Variants in PTPN14 observed in about 807,000 individuals in gnomAD.
PTPN14 encodes protein tyrosine phosphatase non-receptor type 14.
PTPN14 carries 53 observed loss-of-function variants against 126.8 expected under a neutral mutation model. The observed-to-expected ratio is 0.42, with a 90% confidence interval of 0.34 to 0.53. The LOEUF (loss-of-function observed/expected upper bound fraction) is 0.53, where lower values mean the gene tolerates loss of function less well. Among genes scored for constraint, PTPN14 ranks in the 20% least tolerant of loss-of-function variants. The pLI, the probability that PTPN14 is intolerant of heterozygous loss-of-function variation, is 0.08. For synonymous variants in PTPN14, 630 were observed against 599.3 expected (o/e 1.05, Z -0.75); for missense variants, 1,257 against 1,552.9 (o/e 0.81, Z 3.20).
At chr1:214,550,826 G>A (rs1422336339) in intron 1 of PTPN14, among the ~76,000 whole-genome samples, 1 of 152,166 alleles carries the variant, frequency 6.6e-6, no homozygotes, top group Non-Finnish European at 1.5e-5. Context: ...TCATCCTCTA[G>A]CCCCCAAGGT....
Position 214,397,831 on chromosome 1 carries a change from C to T in PTPN14, c.758+82G>A, listed in dbSNP as rs527937834. ...ATCTTATCCACAGTTTGGCTCTTAA[C>T]TCATTTGGATGTTAATGTAACATTA... On this transcript the variant is annotated intron_variant, in intron 8 of 18. Transcript: ENST00000366956. 6.0e-5 allele frequency: 70 copies of T among 1,176,158 alleles called. No individual in the cohort carries two copies. In the South Asian group the frequency reaches 9.5e-4, roughly 16 times the overall value. The allele number at this position is 1,176,158 out of a possible 1,614,324, so 72.9% of individuals were successfully genotyped here. A position where few individuals can be genotyped will look rare whatever the true frequency, so the allele number is the denominator to read the frequency against.
intron 5 of PTPN14, among the ~76,000 whole-genome samples, chr1:214,404,738 A>G (rs897466891): frequency 1.3e-5 from 2 of 152,176 alleles, no homozygotes; most frequent in Non-Finnish European, 2.9e-5. Context: ...ATGCCTGTAC[A>G]CAGCCACACA....
chr1:214,451,337 T>A (rs2102633982), intron 3 of PTPN14, among the ~76,000 whole-genome samples: 1 of 152,104 alleles, frequency 6.6e-6, no homozygotes, highest in East Asian at 1.9e-4. Context: ...GTTTTTATAT[T>A]TTTTTCTTTT....
At chr1:214,396,252 A>G (rs888054903) in intron 8 of PTPN14, among the ~76,000 whole-genome samples, 17 of 152,200 alleles carry the variant, frequency 1.1e-4, no homozygotes, top group African/African-American at 4.1e-4. Flanking sequence ...TAAGTACCTG[A>G]CTTAGCATGT....
chr1:214,427,783 T>A (rs1329970363), intron 3 of PTPN14, among the ~76,000 whole-genome samples: 1 of 151,580 alleles, frequency 6.6e-6, no homozygotes, highest in Non-Finnish European at 1.5e-5. Flanking sequence ...TGAGCAAAGA[T>A]CTGAAAAAAA....
intron 1 of PTPN14, among the ~76,000 whole-genome samples, chr1:214,507,510 T>C (rs1009220870): frequency 6.6e-6 from 1 of 152,224 alleles, no homozygotes; most frequent in Non-Finnish European, 1.5e-5. Flanking sequence ...TCAAGACATA[T>C]ATAGAACACC....
At position 214,436,782 on chromosome 1, in the gene PTPN14, G is replaced by A. The variant is rs550668569; in HGVS notation, c.344+15023C>T. Among the ~76,000 whole-genome samples, 69 of 73,854 alleles carry A rather than the reference G, an allele frequency of 9.3e-4. 1 individual carries two copies. Among genetic ancestry groups the A allele is most frequent in the African/African-American group, 4.0e-3 (58 of 14,680 alleles). The allele number at this position is 73,854 out of a possible 152,430, so 48.5% of individuals were successfully genotyped here. Reference sequence around the variant, plus strand: ...AGCCTGGGCGACAGAGAAAGACTCCGTCTCAAAAAAAAAAAAAAAAAAAAA... The same window carrying A: ...AGCCTGGGCGACAGAGAAAGACTCCATCTCAAAAAAAAAAAAAAAAAAAAA... On this transcript the variant is annotated intron_variant, in intron 3 of 18. Coordinates refer to ENST00000366956, the MANE Select transcript of PTPN14 (RefSeq NM_005401.5).
intron 1 of PTPN14, among the ~76,000 whole-genome samples, chr1:214,487,474 A>C (rs1661140168): frequency 6.6e-6 from 1 of 152,032 alleles, no homozygotes; most frequent in Admixed American, 6.6e-5. Context: ...AAAAATACAA[A>C]AGTTAGCCAG....
chr1:214,474,220 C>G (rs1012188989), intron 1 of PTPN14, among the ~76,000 whole-genome samples: 1 of 152,172 alleles, frequency 6.6e-6, no homozygotes, highest in African/African-American at 2.4e-5. Flanking sequence ...TACACAGCAA[C>G]CTGATCTATG....
intron 7 of PTPN14, among the ~76,000 whole-genome samples, chr1:214,399,480 T>C (rs1658966966): frequency 6.6e-6 from 1 of 152,244 alleles, no homozygotes; most frequent in Non-Finnish European, 1.5e-5. Context: ...TTTTGTTTTT[T>C]AAATCGTTAT....
At chr1:214,485,617 C>T (rs1661092653) in intron 1 of PTPN14, among the ~76,000 whole-genome samples, 1 of 152,194 alleles carries the variant, frequency 6.6e-6, no homozygotes, top group African/African-American at 2.4e-5. Context: ...CACCTCCAAC[C>T]ACTGAGTAAT....
At chr1:214,522,966 G>A (rs1330386489) in intron 1 of PTPN14, among the ~76,000 whole-genome samples, 9 of 152,138 alleles carry the variant, frequency 5.9e-5, no homozygotes, top group Non-Finnish European at 8.8e-5. Context: ...ACACTAAATC[G>A]AGATCTTTTG....
At chr1:214,385,369 C>A (rs1658584053) in intron 12 of PTPN14, among the ~76,000 whole-genome samples, 1 of 152,082 alleles carries the variant, frequency 6.6e-6, no homozygotes, top group Non-Finnish European at 1.5e-5. Flanking sequence ...ATCAAGAGTT[C>A]TTTTTGGTAA....
rs548395192 is a variant in PTPN14, at chr1:214,505,767, G to T, written c.-154-40810C>A. Among the ~76,000 whole-genome samples, 4 of 152,304 alleles carry T rather than the reference G, an allele frequency of 2.6e-5. No individual in the cohort carries two copies. The South Asian group carries it at 8.3e-4, about 32-fold the overall frequency. On this transcript the variant is annotated intron_variant, in intron 1 of 18. Coordinates refer to ENST00000366956, the MANE Select transcript of PTPN14 (RefSeq NM_005401.5). ...TTAAAATTAGCCGAGGTGGTGGCAT[G>T]TGTCTGTAGTCCCAGCTACTGGGGA...
At chr1:214,436,786 CAAAAAAAAAAAAAAA>C (rs1159209240) in intron 3 of PTPN14, among the ~76,000 whole-genome samples, 2 of 46,646 alleles carry the variant, frequency 4.3e-5, no homozygotes, top group Non-Finnish European at 8.8e-5. Flanking sequence ...GACTCCGTCT[CAAAAAAAAAAAAAAA>C]AAAAAAAAAA....
intron 1 of PTPN14, among the ~76,000 whole-genome samples, chr1:214,500,568 G>C (rs963700672): frequency 1.3e-5 from 2 of 152,086 alleles, no homozygotes; most frequent in African/African-American, 4.8e-5. Flanking sequence ...CTCACTGAGT[G>C]AAGTGCTGAG....
intron 1 of PTPN14, among the ~76,000 whole-genome samples, chr1:214,488,662 C>CTA (rs1410580535): frequency 2.6e-5 from 4 of 152,192 alleles, no homozygotes; most frequent in African/African-American, 9.7e-5. Flanking sequence ...CACTGTGGAT[C>CTA]TAAAGATGAG....
At position 214,401,968 on chromosome 1, in the gene PTPN14, G is replaced by A. The variant is rs140462300; in HGVS notation, c.582-196C>T. On this transcript the variant is annotated intron_variant, in intron 6 of 18. Coordinates refer to ENST00000366956, the MANE Select transcript of PTPN14 (RefSeq NM_005401.5). ...TCCCAGTAGCCTTTTACTTAACAGC[G>A]AATAATAAGAGGAAGGTAAAGTATT... is the stretch of plus-strand genomic sequence containing the variant. 2.3e-3 allele frequency among the ~76,000 whole-genome samples: 355 copies of A among 152,158 alleles called. 1 individual carries two copies. The highest frequency in any genetic ancestry group is 8.2e-3 in the African/African-American group (339 of 41,498).
At chr1:214,532,951 C>A (rs988315390) in intron 1 of PTPN14, 2 of 792,086 alleles carry the variant, frequency 2.5e-6, no homozygotes, top group South Asian at 1.3e-5. Flanking sequence ...ATATGACAAG[C>A]TGGCTCGGAA....
Sources: gnomAD v4.1 joint callset for allele counts (sites outside exome capture counted in the v4.1 genomes callset) on GRCh38, gnomAD v4.1.1 for gene constraint, MANE v1.5 for transcripts, NCBI Gene and HGNC (gene_info 2026-07-23, HGNC 2026-07-21) for gene names.